SLC26A7: variants seen among roughly 807,000 people sequenced by gnomAD.
SLC26A7 encodes anion exchange transporter.
In SLC26A7, 59 loss-of-function variants were observed where a neutral mutation model predicts 82.5. The observed-to-expected ratio is 0.72, with a 90% CI of 0.58 to 0.89. The LOEUF (loss-of-function observed/expected upper bound fraction) is 0.89. Among genes scored for constraint, SLC26A7 ranks in the 40% least tolerant of loss-of-function variants. The pLI, the probability that SLC26A7 is intolerant of heterozygous loss-of-function variation, is 0.00. For missense variants in SLC26A7, 820 were observed against 793.0 expected (o/e 1.03, Z -0.41); for synonymous variants, 271 against 274.3 (o/e 0.99, Z 0.12).
Position 91,318,203 on chromosome 8 carries a change from C to T in SLC26A7, c.478-13C>T. 1 of 1,585,580 alleles carries T rather than the reference C, an allele frequency of 6.3e-7. No homozygotes were observed. The highest frequency in any genetic ancestry group is 8.6e-7 in the Non-Finnish European group (1 of 1,163,248). ...CATCTGAAGTTCATCTCACTTCTCC[C>T]TTCTCCTCTTAGGTGGCCATGTTTG... On this transcript the variant is annotated splice_polypyrimidine_tract_variant and intron_variant, in intron 4 of 18. Coordinates refer to ENST00000276609, the MANE Select transcript of SLC26A7 (RefSeq NM_052832.4).
In SLC26A7 at chr8:91,343,380, A is replaced by G; in HGVS notation, c.1054A>G (p.Ile352Val). 4.3e-6 allele frequency: 7 copies of G among 1,612,012 alleles called. No homozygotes were observed. The highest frequency in any genetic ancestry group is 5.9e-6 in the Non-Finnish European group (7 of 1,179,366). Reference sequence around the variant, plus strand: ...ATTTTTGGCCCATGGCCTCAGCAATATAGTTTCTTCATTTTTCTTCTGCAT... The same window carrying G: ...ATTTTTGGCCCATGGCCTCAGCAATGTAGTTTCTTCATTTTTCTTCTGCAT... Reference protein sequence around the residue: ...QEFLAHGLSNIVSSFFFCIPS... With the variant: ...QEFLAHGLSNVVSSFFFCIPS... Residue 352 changes from isoleucine to valine, a missense_variant, in exon 9 of 19, where the codon ATA becomes GTA. Coordinates refer to ENST00000276609, the MANE Select transcript of SLC26A7 (RefSeq NM_052832.4).
At chr8:91,267,322 G>A (rs944595020) in intron 2 of SLC26A7, among the ~76,000 whole-genome samples, 1 of 151,848 alleles carries the variant, frequency 6.6e-6, no homozygotes, top group African/African-American at 2.4e-5. Flanking sequence ...GGAAGACTTT[G>A]AGAAGAATTG....
intron 4 of SLC26A7, among the ~76,000 whole-genome samples, chr8:91,305,178 AAGGTC>A (rs1454137735): frequency 5.3e-5 from 8 of 152,190 alleles, no homozygotes; most frequent in African/African-American, 1.7e-4. Flanking sequence ...GAAGAGGAAA[AAGGTC>A]AGTTAAATGT....
At chr8:91,286,962 A>T (rs796500403) in intron 2 of SLC26A7, among the ~76,000 whole-genome samples, 1 of 152,116 alleles carries the variant, frequency 6.6e-6, no homozygotes, top group Admixed American at 6.6e-5. Flanking sequence ...AGGATACTTG[A>T]TGTTTTACAG....
intron 4 of SLC26A7, among the ~76,000 whole-genome samples, chr8:91,311,778 A>G (rs1044280938): frequency 6.6e-6 from 1 of 152,156 alleles, no homozygotes; most frequent in African/African-American, 2.4e-5. Context: ...AGGAAGAGGG[A>G]GGATGTGGTA....
intron 15 of SLC26A7, among the ~76,000 whole-genome samples, chr8:91,372,704 G>C (rs1348606861): frequency 2.0e-5 from 3 of 151,802 alleles, no homozygotes; most frequent in Non-Finnish European, 4.4e-5. Context: ...AGGGTTGCTT[G>C]CCTATTTTAG....
intron 4 of SLC26A7, among the ~76,000 whole-genome samples, chr8:91,298,122 A>T (rs1426455451): frequency 1.3e-5 from 2 of 152,140 alleles, no homozygotes; most frequent in Non-Finnish European, 2.9e-5. Context: ...AACACATTCA[A>T]TTGATGAACT....
In SLC26A7 at chr8:91,338,017, G is replaced by A. The variant is rs753090091; in HGVS notation, c.796-133G>A. The A allele has an allele frequency of 1.7e-5, 8 of 481,666 alleles. No homozygotes were observed. The East Asian group carries it at 2.4e-4, about 15-fold the overall frequency. The allele number at this position is 481,666 out of a possible 1,614,324, so 29.8% of individuals were successfully genotyped here. ...TTTAATATTTTATTTATTTTTGAAA[G>A]TCTGTGCAACTGCTAGATTATTCTT... On this transcript the variant is annotated intron_variant, in intron 6 of 18. Transcript: ENST00000276609.
chr8:91,277,770 T>C (rs1430541070), intron 2 of SLC26A7, among the ~76,000 whole-genome samples: 2 of 152,248 alleles, frequency 1.3e-5, no homozygotes, highest in African/African-American at 4.8e-5. Context: ...ACTTCACATA[T>C]TATTAACTTG....
intron 2 of SLC26A7, among the ~76,000 whole-genome samples, chr8:91,223,375 T>C (rs1245540611): frequency 6.6e-6 from 1 of 152,182 alleles, no homozygotes; most frequent in Non-Finnish European, 1.5e-5. Flanking sequence ...TATGCTAGCT[T>C]TTGGATTAGT....
At chr8:91,306,420 G>T (rs1019997970) in intron 4 of SLC26A7, among the ~76,000 whole-genome samples, 3 of 152,102 alleles carry the variant, frequency 2.0e-5, no homozygotes, top group African/African-American at 7.2e-5. Context: ...GCAGGATTCG[G>T]GAACTCTTCA....
Position 91,396,185 on chromosome 8 carries a change from A to G in SLC26A7, c.*1088A>G, listed in dbSNP as rs1016774126. On this transcript the variant is annotated 3_prime_UTR_variant, in exon 19 of 19. Coordinates refer to ENST00000276609, the MANE Select transcript of SLC26A7 (RefSeq NM_052832.4). ...TGTATGTTACTGTTTTCATGCTTAT[A>G]CATATATTTTCAATCACATACAAGT... 2.0e-5 allele frequency: 3 copies of G among 152,060 alleles called. No individual in the cohort carries two copies. The highest frequency in any genetic ancestry group is 4.8e-5 in the African/African-American group (2 of 41,444). The allele number at this position is 152,060 out of a possible 1,614,324, so 9.4% of individuals were successfully genotyped here.
chr8:91,352,982 G>T lies in SLC26A7; in HGVS notation c.1300G>T (p.Asp434Tyr). 6.2e-7 allele frequency: 1 copy of T among 1,606,218 alleles called. No homozygotes were observed. The highest frequency in any genetic ancestry group is 8.5e-7 in the Non-Finnish European group (1 of 1,176,088). Residue 434 changes from aspartate (D) to tyrosine (Y), a missense_variant, in exon 11 of 19, where the codon GAT (aspartate) becomes TAT (tyrosine). By Grantham distance (160) the Asp-to-Tyr change is radical (BLOSUM62 -3). Coordinates refer to ENST00000276609, the MANE Select transcript of SLC26A7 (RefSeq NM_052832.4). Reference sequence around the variant, plus strand: ...AGATTTAAAAAAATATTGGAATGTGGATAAAATCGATTGGGTAAGTAGAAA... The same window carrying T: ...AGATTTAAAAAAATATTGGAATGTGTATAAAATCGATTGGGTAAGTAGAAA... ...FRDLKKYWNV[D>Y]KIDWGIWVST...
chr8:91,386,882 TA>T (rs1814814295), intron 15 of SLC26A7, among the ~76,000 whole-genome samples: 2 of 152,278 alleles, frequency 1.3e-5, no homozygotes, highest in East Asian at 1.9e-4. Flanking sequence ...TTTTATTTTC[TA>T]AAAAAAGTTT....
intron 10 of SLC26A7, 85 bp downstream of exon 10, chr8:91,351,972 C>T (rs1813729135): frequency 2.0e-6 from 2 of 1,007,856 alleles, no homozygotes; most frequent in Admixed American, 1.8e-5. Context: ...GAAGTATAAC[C>T]TCAACAATCC....
At chr8:91,218,155 G>A (rs764622420) in intron 1 of SLC26A7, among the ~76,000 whole-genome samples, 3 of 152,062 alleles carry the variant, frequency 2.0e-5, no homozygotes, top group East Asian at 1.9e-4. Context: ...ACTAAGCAGC[G>A]TTATCAACCA....
rs372891661 is a variant in SLC26A7, at chr8:91,366,585, C to T, written c.1494C>T (p.Thr498=). 7.4e-6 allele frequency: 12 copies of T among 1,611,306 alleles called. No individual in the cohort carries two copies. Among genetic ancestry groups the T allele is most frequent in the Non-Finnish European group, 1.0e-5 (12 of 1,179,372 alleles). Residue 498 remains threonine (T), a synonymous_variant, in exon 14 of 19, where the codon ACC becomes ACT. Transcript: ENST00000276609. ...CTGTTTTTCTCCTCCAAAAGGAAAC[C>T]CTGCAGCAGGTGAAAATTATCTCAA... is the stretch of plus-strand genomic sequence containing the variant. The part of the protein sequence containing the change: ...FKVKTEMDSE[T]LQQVKIISIN...
chr8:91,243,035 C>T (rs1810494954), intron 2 of SLC26A7, among the ~76,000 whole-genome samples: 1 of 152,072 alleles, frequency 6.6e-6, no homozygotes, highest in Non-Finnish European at 1.5e-5. Flanking sequence ...ATCACTTAAA[C>T]AGCGGTGGAT....
intron 15 of SLC26A7, among the ~76,000 whole-genome samples, chr8:91,386,081 C>T (rs1814791349): frequency 6.6e-6 from 1 of 152,024 alleles, no homozygotes; most frequent in Non-Finnish European, 1.5e-5. Flanking sequence ...AAAAAAATAT[C>T]AAAATTCATT....
Sources: allele counts gnomAD v4.1 joint callset (sites outside exome capture counted in the v4.1 genomes callset), GRCh38; gene constraint gnomAD v4.1.1; transcripts MANE v1.5; gene names NCBI Gene and HGNC (gene_info 2026-07-23, HGNC 2026-07-21).